Variants in BRCA1 observed in about 807,000 individuals in gnomAD.
The protein encoded by BRCA1 is breast cancer type 1 susceptibility protein.
A neutral mutation model predicts 173.7 loss-of-function variants in BRCA1; 140 were observed. That is an observed-to-expected ratio of 0.81 (90% CI 0.70 to 0.93). BRCA1 has a LOEUF of 0.93. Among genes scored for constraint, BRCA1 ranks in the 40% least tolerant of loss-of-function variants. The pLI, the probability that BRCA1 is intolerant of heterozygous loss-of-function variation, is 0.00. For synonymous variants in BRCA1, 662 were observed against 756.0 expected (o/e 0.88, Z 2.04); for missense variants, 1,983 against 2,172.5 (o/e 0.91, Z 1.73).
rs543919837 is a variant in BRCA1 at position 43,164,751 on chromosome 17, T to C, written c.-20+5375A>G. 4 of 152,324 alleles carry C rather than the reference T, an allele frequency of 2.6e-5. No homozygotes were observed. The East Asian group carries it at 7.7e-4, about 29-fold the overall frequency. The allele number at this position is 152,324 out of a possible 1,614,324, so 9.4% of individuals were successfully genotyped here. On this transcript the variant is annotated intron_variant, in intron 1 of 7. Transcript: ENST00000634433. ...GGTCCTTCCAGGCTGGCTCGAGTTT[T>C]TCTTCTTTCCACCTTTCGATGAGAA...
intron 1 of BRCA1, chr17:43,131,076 G>T (rs2055960970): frequency 5.6e-6 from 1 of 177,398 alleles, no homozygotes; most frequent in African/African-American, 2.4e-5. Flanking sequence ...TGTGATGGTT[G>T]TTTGTTGTCT....
chr17:43,142,728 G>A (rs994800665), intron 1 of BRCA1, among the ~76,000 whole-genome samples: 2 of 152,110 alleles, frequency 1.3e-5, no homozygotes, highest in Non-Finnish European at 2.9e-5. Flanking sequence ...TGACTATTTA[G>A]TCTTGTGCTT....
At chr17:43,084,232 G>A (rs534754492) in intron 11 of BRCA1, among the ~76,000 whole-genome samples, 45 of 152,224 alleles carry the variant, frequency 3.0e-4, no homozygotes, top group Admixed American at 1.6e-3. Context: ...GTGTTTCACC[G>A]TGTTAGCCAG....
intron 1 of BRCA1, among the ~76,000 whole-genome samples, chr17:43,136,644 C>G (rs1028129551): frequency 7.2e-5 from 11 of 152,184 alleles, no homozygotes; most frequent in Non-Finnish European, 1.6e-4. Flanking sequence ...AGACACTTCT[C>G]AAAAGAAGAC....
At chr17:43,051,207 G>A in intron 19 of BRCA1, 90 bp from the exon 20 acceptor site, 3 of 1,265,204 alleles carry the variant, frequency 2.4e-6, no homozygotes, top group Admixed American at 3.5e-5. Flanking sequence ...TCAAAAAACA[G>A]ACTTTCAAAA....
chr17:43,169,884 C>A (rs896085858), intron 1 of BRCA1: 8 of 395,760 alleles, frequency 2.0e-5, no homozygotes, highest in Admixed American at 1.1e-4. Flanking sequence ...TTTTTTCCCC[C>A]CCTCTACACT....
At chr17:43,138,419 C>G (rs572267156) in intron 1 of BRCA1, 27 of 568,020 alleles carry the variant, frequency 4.8e-5, no homozygotes, top group Non-Finnish European at 7.9e-5. Flanking sequence ...ACCTGCTGCC[C>G]AGCTAGAATG....
chr17:43,142,202 C>G (rs2056080500), intron 1 of BRCA1, among the ~76,000 whole-genome samples: 1 of 152,232 alleles, frequency 6.6e-6, no homozygotes, highest in South Asian at 2.1e-4. Flanking sequence ...GCGTGAGCCA[C>G]TGTGCCCAGC....
At chr17:43,046,488 C>A (rs1381891385) in intron 22 of BRCA1, among the ~76,000 whole-genome samples, 1 of 151,640 alleles carries the variant, frequency 6.6e-6, no homozygotes, top group African/African-American at 2.4e-5. Context: ...ACCTCAACAT[C>A]CTGGGTTCAA....
chr17:43,079,637 C>A, intron 12 of BRCA1: 2 of 854,902 alleles, frequency 2.3e-6, no homozygotes, highest in Non-Finnish European at 4.1e-6. Context: ...GGAAAATGAT[C>A]AGAAAAAGAA....
intron 2 of BRCA1, among the ~76,000 whole-genome samples, chr17:43,122,862 C>T (rs1017438045): frequency 3.3e-5 from 5 of 150,276 alleles, no homozygotes; most frequent in South Asian, 2.1e-4. Flanking sequence ...CTGGCTAACA[C>T]GGTGAAATCC....
At chr17:43,155,322 A>G (rs2056190106) in intron 1 of BRCA1, among the ~76,000 whole-genome samples, 1 of 151,730 alleles carries the variant, frequency 6.6e-6, no homozygotes, top group Admixed American at 6.6e-5. Context: ...GGCATGCACC[A>G]CCATGCCTTG....
At position 43,092,700 on chromosome 17, in the gene BRCA1, C is replaced by T. The variant is rs770769275; in HGVS notation, c.2831G>A (p.Cys944Tyr). The T allele has an allele frequency of 1.9e-6, 3 of 1,614,124 alleles. No homozygotes were observed. The highest frequency in any genetic ancestry group is 2.2e-5 in the South Asian group (2 of 91,078). ...AAACCTAGAGCCTCCTTTGATACTA[C>T]ATTTGGCATTATCAACTGGCTTATC... Reference protein sequence around the residue: ...QKDKPVDNAKCSIKGGSRFCL... With the variant: ...QKDKPVDNAKYSIKGGSRFCL... Residue 944 changes from cysteine (C) to tyrosine (Y), a missense_variant, in exon 10 of 23, where the codon TGT becomes TAT. Coordinates refer to ENST00000357654, the MANE Select transcript of BRCA1 (RefSeq NM_007294.4).
chr17:43,115,629 GAAGA>G, intron 3 of BRCA1, 93 bp downstream of exon 3: 1 of 1,212,552 alleles, frequency 8.2e-7, no homozygotes, highest in Admixed American at 2.1e-5. Context: ...TCACTTAATT[GAAGA>G]AAGTAAAGCT....
chr17:43,116,567 G>A (rs908545657), intron 2 of BRCA1, among the ~76,000 whole-genome samples: 2 of 152,108 alleles, frequency 1.3e-5, no homozygotes, highest in African/African-American at 4.8e-5. Flanking sequence ...AGCCCAGACT[G>A]GCATGCAATG....
intron 1 of BRCA1, among the ~76,000 whole-genome samples, chr17:43,151,238 TG>T (rs2056159556): frequency 6.6e-6 from 1 of 152,228 alleles, no homozygotes. Flanking sequence ...TTTGTATCTA[TG>T]ACTGTCAAAC....
At chr17:43,142,938 G>A (rs2355868) in intron 1 of BRCA1, among the ~76,000 whole-genome samples, 54,742 of 143,836 alleles carry the variant, frequency 0.38, 10,478 homozygotes, top group South Asian at 0.52. Flanking sequence ...GTGTGTGTGT[G>A]TGTATATATA....
Position 43,091,906 on chromosome 17 carries a change from A to C in BRCA1, c.3625T>G (p.Leu1209Val), listed in dbSNP as rs273900711. Residue 1209 changes from leucine (L) to valine (V), a missense_variant, in exon 10 of 23, where the codon TTA becomes GTA. Physicochemically the swap from Leu to Val is conservative, Grantham distance 32. Transcript: ENST00000357654. The stretch of plus-strand genomic sequence containing the variant: ...GATAAGTTCTCTTCTGAGGACTCTA[A>C]TTTCTTGGCCCCTCTTCGGTAACCC... ...AQGYRRGAKK[L>V]ESSEENLSSE... 7 of 1,614,036 alleles carry C rather than the reference A, an allele frequency of 4.3e-6. No individual in the cohort carries two copies. The highest frequency in any genetic ancestry group is 2.2e-5 in the East Asian group (1 of 44,898).
At chr17:43,105,030 G>T (rs1472115280) in intron 4 of BRCA1, 74 bp from the exon 5 acceptor site, 1 of 1,221,424 alleles carries the variant, frequency 8.2e-7, no homozygotes, top group Non-Finnish European at 1.2e-6. Context: ...AATAAGAAAA[G>T]ACATGTAAAC....
Sources: gnomAD v4.1 joint callset for allele counts (sites outside exome capture counted in the v4.1 genomes callset) on GRCh38, gnomAD v4.1.1 for gene constraint, MANE v1.5 for transcripts, NCBI Gene and HGNC (gene_info 2026-07-23, HGNC 2026-07-21) for gene names.